ANK3: variants seen among roughly 807,000 people sequenced by gnomAD.
ANK3 encodes ankyrin-3.
Under a neutral mutation model 370.9 loss-of-function variants are expected in ANK3, and 57 were observed. The observed-to-expected ratio is 0.15, with a 90% CI of 0.12 to 0.19. The LOEUF is 0.19. ANK3 is among the 10% of genes least tolerant of loss of function. The probability of loss-of-function intolerance (pLI) is 1.00; values close to 1 mark genes in which losing one functional copy is unlikely to be tolerated. For synonymous variants in ANK3, 1,929 were observed against 1,946.3 expected (o/e 0.99, Z 0.23); for missense variants, 4,439 against 5,302.1 (o/e 0.84, Z 5.06).
chr10:60,127,545 A>C (rs1157702885), intron 25 of ANK3, among the ~76,000 whole-genome samples: 1 of 152,158 alleles, frequency 6.6e-6, no homozygotes, highest in Non-Finnish European at 1.5e-5. Context: ...TCTTACAACT[A>C]ATTCTGGTGT....
At position 60,070,132 on chromosome 10, in the gene ANK3, C is replaced by T. The variant is rs985040592; in HGVS notation, c.10749G>A (p.Thr3583=). 2.0e-5 allele frequency: 32 copies of T among 1,614,002 alleles called. 1 individual carries two copies. The South Asian group carries it at 2.5e-4, about 13-fold the overall frequency. ...TTTCATCAGTTGGCGTTCTGGCTGG[C>T]GTTGTATCAGGGGTTGTTGCTGGAG... The part of the protein sequence containing the change: ...DRSPATTPDT[T]PARTPTDEST... Residue 3583 remains threonine, a synonymous_variant, in exon 37 of 44, where the codon ACG becomes ACA. Transcript: ENST00000280772. The surrounding 1 kb of genome is among the most constrained non-coding windows in gnomAD (Gnocchi z 5.7).
At chr10:60,489,474 A>G (rs765601758) in intron 2 of ANK3, among the ~76,000 whole-genome samples, 2 of 152,222 alleles carry the variant, frequency 1.3e-5, no homozygotes, top group Non-Finnish European at 2.9e-5. Flanking sequence ...GCAGAAAAAT[A>G]TAGAAAAATT....
At chr10:60,044,354 G>A in intron 42 of ANK3, 2 of 982,106 alleles carry the variant, frequency 2.0e-6, no homozygotes, top group Non-Finnish European at 2.4e-6. Context: ...TCTCCCTAAA[G>A]GATGTGGCAT....
At chr10:60,337,528 A>C (rs1465418985) in intron 1 of ANK3, among the ~76,000 whole-genome samples, 1 of 152,060 alleles carries the variant, frequency 6.6e-6, no homozygotes, top group Non-Finnish European at 1.5e-5. Context: ...TTTCCCTATT[A>C]AATTCCATGT....
intron 1 of ANK3, among the ~76,000 whole-genome samples, chr10:60,712,536 C>T (rs2079723835): frequency 6.6e-6 from 1 of 152,020 alleles, no homozygotes; most frequent in Non-Finnish European, 1.5e-5. Flanking sequence ...ATATAAAGTG[C>T]TCAATACCAG....
intron 1 of ANK3, among the ~76,000 whole-genome samples, chr10:60,327,776 G>A (rs1299659153): frequency 1.3e-5 from 2 of 152,132 alleles, no homozygotes; most frequent in Non-Finnish European, 1.5e-5. Context: ...GAATTAACAG[G>A]TCAGATTTAA....
rs542198934 is a variant in ANK3, at chr10:60,398,746, A to T, written c.97-119107T>A. On this transcript the variant is annotated intron_variant, in intron 2 of 43. Transcript: ENST00000373827. ...CAAACTCAACAAATGGTCAGCAAGCATAAGTAAGAAAACAATTTTAAGTAG... is the reference window on the plus strand; with the variant it reads ...CAAACTCAACAAATGGTCAGCAAGCTTAAGTAAGAAAACAATTTTAAGTAG... Among the ~76,000 whole-genome samples, 7 of 152,322 alleles carry T rather than the reference A, an allele frequency of 4.6e-5. No individual in the cohort carries two copies. The East Asian group carries it at 1.4e-3, about 29-fold the overall frequency.
rs190922066 is a variant in ANK3, at chr10:60,086,612, A to G, written c.3748+65T>C. The G allele has an allele frequency of 4.2e-5, 58 of 1,390,350 alleles. No homozygotes were observed. The African/African-American group carries it at 6.5e-4, about 16-fold the overall frequency. The allele number at this position is 1,390,350 out of a possible 1,614,324, so 86.1% of individuals were successfully genotyped here. A position where few individuals can be genotyped will look rare whatever the true frequency, so the allele number is the denominator to read the frequency against. ...TTTCAAAGGTTTTATATCTTTGTAC[A>G]CAAATATATCTTTGTACACAATCTT... On this transcript the variant is annotated intron_variant, in intron 30 of 43. Transcript: ENST00000280772.
chr10:60,473,723 T>C (rs998169952), intron 2 of ANK3, among the ~76,000 whole-genome samples: 13 of 152,142 alleles, frequency 8.5e-5, no homozygotes, highest in African/African-American at 3.1e-4. Flanking sequence ...TGTGGACATC[T>C]TCCTAGAGCG....
chr10:60,724,175 A>C (rs1231058023), intron 1 of ANK3, among the ~76,000 whole-genome samples: 1 of 120,136 alleles, frequency 8.3e-6, no homozygotes, highest in African/African-American at 3.3e-5. Context: ...GCGCCACTGC[A>C]CTCCAGCCTG....
intron 2 of ANK3, among the ~76,000 whole-genome samples, chr10:60,526,817 T>C (rs572908431): frequency 6.6e-6 from 1 of 152,138 alleles, no homozygotes; most frequent in East Asian, 1.9e-4. Flanking sequence ...TTTTTGCCCC[T>C]TTTTAATGCT....
chr10:60,119,881 C>T (rs139945855), intron 25 of ANK3, among the ~76,000 whole-genome samples: 8 of 152,048 alleles, frequency 5.3e-5, no homozygotes, highest in Non-Finnish European at 1.2e-4. Flanking sequence ...AACAGTATGT[C>T]CATACTGCCC....
upstream of ANK3, among the ~76,000 whole-genome samples, chr10:60,393,612 T>C (rs2063157300): frequency 6.6e-6 from 1 of 152,236 alleles, no homozygotes; most frequent in Non-Finnish European, 1.5e-5. Context: ...TTAAAGACTT[T>C]AGATATCACA....
Position 60,238,216 on chromosome 10 carries a change from C to T in ANK3, c.799-3430G>A, listed in dbSNP as rs376283860. 2.6e-4 allele frequency among the ~76,000 whole-genome samples: 39 copies of T among 152,256 alleles called. No homozygotes were observed. In the East Asian group the frequency reaches 2.9e-3, roughly 11 times the overall value. The stretch of plus-strand genomic sequence containing the variant: ...ATGTATCATGCCCTACTATGAGTAA[C>T]GCTGTGAGCTGCACTTCCACTGTCT... On this transcript the variant is annotated intron_variant, in intron 7 of 43. Coordinates refer to ENST00000280772, the MANE Select transcript of ANK3 (RefSeq NM_020987.5).
In ANK3 at chr10:60,261,902, G is replaced by T. The variant is rs1344409291; in HGVS notation, c.755C>A (p.Thr252Lys). ...AGCAGCCGCTCGGTTTAACAGCAAC[G>T]TGGCTACATTGATATTTCCATAGTG... ...AAHYGNINVA[T>K]LLLNRAAAVD... is the part of the protein sequence containing the mutation. Residue 252 changes from threonine (T) to lysine (K), a missense_variant, in exon 7 of 44, where the codon ACG (threonine) becomes AAG (lysine). Physicochemically the swap from Thr to Lys is moderately conservative, Grantham distance 78. Transcript: ENST00000280772. 1 of 1,614,094 alleles carries T rather than the reference G, an allele frequency of 6.2e-7. No individual in the cohort carries two copies. The highest frequency in any genetic ancestry group is 1.1e-5 in the South Asian group (1 of 91,078).
chr10:60,591,303 T>TA (rs2077908220), intron 2 of ANK3, among the ~76,000 whole-genome samples: 1 of 137,562 alleles, frequency 7.3e-6, no homozygotes. Context: ...TTTATTTTTA[T>TA]TTTATTTATT....
Position 60,073,528 on chromosome 10 carries a change from A to T in ANK3, c.7353T>A (p.Asp2451Glu). Residue 2451 changes from aspartate (D) to glutamate (E), a missense_variant, in exon 37 of 44, where the codon GAT (aspartate) becomes GAA (glutamate). This residue lies in a region of ANK3 where 1,601 missense variants were observed against 1,731.7 expected (regional missense o/e 0.92). Transcript: ENST00000280772. ...ACTCCCCTCTTAGTTCTGACAACTCATCGTCATGGTATTCTATTGAGTGTT... is the reference window on the plus strand; with the variant it reads ...ACTCCCCTCTTAGTTCTGACAACTCTTCGTCATGGTATTCTATTGAGTGTT... The part of the protein sequence containing the change: ...LSQHSIEYHD[D>E]ELSELRGESY... 6.2e-7 allele frequency: 1 copy of T among 1,613,972 alleles called. No individual in the cohort carries two copies. Among genetic ancestry groups the T allele is most frequent in the Non-Finnish European group, 8.5e-7 (1 of 1,179,920 alleles).
chr10:60,641,474 C>T (rs2078631687), intron 1 of ANK3, among the ~76,000 whole-genome samples: 1 of 151,150 alleles, frequency 6.6e-6, no homozygotes, highest in Admixed American at 6.6e-5. Flanking sequence ...AGAAATAACG[C>T]CGCATATCTA....
chr10:60,184,297 C>T (rs2096272415), intron 17 of ANK3, among the ~76,000 whole-genome samples: 1 of 152,074 alleles, frequency 6.6e-6, no homozygotes, highest in African/African-American at 2.4e-5. Flanking sequence ...GAAAAACTGA[C>T]AAAAACTGAG....
Sources: allele counts gnomAD v4.1 joint callset (sites outside exome capture counted in the v4.1 genomes callset), GRCh38; gene constraint gnomAD v4.1.1; regional missense constraint gnomAD v4.1.1; non-coding constraint Gnocchi (gnomAD v3.1); transcripts MANE v1.5; gene names NCBI Gene and HGNC (gene_info 2026-07-23, HGNC 2026-07-21).